The following ABCA13 variants were observed in gnomAD, a reference collection of about 807,000 sequenced individuals.
ABCA13 encodes the protein ATP binding cassette subfamily A member 13, also known as ATP-binding cassette sub-family A member 13.
ABCA13 carries 476 observed loss-of-function variants against 478.7 expected under a neutral mutation model. That is an observed-to-expected ratio of 0.99 (90% CI 0.92 to 1.07). The LOEUF (loss-of-function observed/expected upper bound fraction) is 1.07, where lower values mean the gene tolerates loss of function less well. ABCA13 is among the 50% of genes least tolerant of loss of function. The probability of loss-of-function intolerance (pLI) is 0.00; values close to 1 mark genes in which losing one functional copy is unlikely to be tolerated. For synonymous variants in ABCA13, 2,252 were observed against 2,158.9 expected (o/e 1.04, Z -1.20); for missense variants, 6,060 against 5,910.6 (o/e 1.03, Z -0.83).
intron 2 of ABCA13, among the ~76,000 whole-genome samples, chr7:48,197,052 G>A (rs1798024892): frequency 6.6e-6 from 1 of 152,214 alleles, no homozygotes; most frequent in African/African-American, 2.4e-5. Context: ...TGCCTTGAGA[G>A]ATTAAAGCTT....
intron 23 of ABCA13, among the ~76,000 whole-genome samples, chr7:48,299,329 C>T (rs772896476): frequency 7.9e-5 from 12 of 152,058 alleles, no homozygotes; most frequent in African/African-American, 1.5e-4. Context: ...GCAAGCTTGA[C>T]GGGTGGACTA....
In ABCA13 at chr7:48,272,800, A is replaced by G. The variant is rs1795795231; in HGVS notation, c.3134A>G (p.Gln1045Arg). The G allele has an allele frequency of 6.2e-7, 1 of 1,605,596 alleles. No homozygotes were observed. The highest frequency in any genetic ancestry group is 1.7e-5 in the Admixed American group (1 of 58,784). ...SIFNFLELQA[Q>R]SFMSTEGQEL... ...TTTAACTTTTTGGAGCTTCAGGCCC[A>G]ATCCTTCATGTCTACAGAGGGCCAA... Residue 1045 changes from glutamine to arginine, a missense_variant, in exon 17 of 62, where the codon CAA (glutamine) becomes CGA (arginine). Physicochemically the swap from Gln to Arg is conservative, Grantham distance 43. Coordinates refer to ENST00000435803, the MANE Select transcript of ABCA13 (RefSeq NM_152701.5).
intron 15 of ABCA13, among the ~76,000 whole-genome samples, chr7:48,262,901 T>C (rs1440341586): frequency 6.6e-6 from 1 of 152,022 alleles, no homozygotes; most frequent in African/African-American, 2.4e-5. Flanking sequence ...AATCTTTCCA[T>C]GTTGAACTTT....
At chr7:48,606,898 C>T (rs1791528089) in intron 58 of ABCA13, among the ~76,000 whole-genome samples, 1 of 152,196 alleles carries the variant, frequency 6.6e-6, no homozygotes, top group Admixed American at 6.5e-5. Flanking sequence ...GCCGTTTTTC[C>T]AGAGATGCCC....
chr7:48,391,859 AT>A, intron 37 of ABCA13, 61 bp from the exon 38 acceptor site: 1 of 1,488,232 alleles, frequency 6.7e-7, no homozygotes, highest in Non-Finnish European at 9.2e-7. Context: ...AGCTGACTGG[AT>A]TGCTGACGTT....
At chr7:48,447,466 T>A (rs1467566583) in intron 42 of ABCA13, among the ~76,000 whole-genome samples, 1 of 152,158 alleles carries the variant, frequency 6.6e-6, no homozygotes, top group Non-Finnish European at 1.5e-5. Context: ...AAATCATGAC[T>A]TTACTTTGTT....
intron 55 of ABCA13, among the ~76,000 whole-genome samples, chr7:48,576,202 A>G (rs538689297): frequency 6.7e-6 from 1 of 149,476 alleles, no homozygotes; most frequent in African/African-American, 2.4e-5. Context: ...CCCACCCCCC[A>G]TGGATATAGA....
chr7:48,229,380 C>A (rs926830753), intron 6 of ABCA13, among the ~76,000 whole-genome samples: 1 of 152,208 alleles, frequency 6.6e-6, no homozygotes, highest in Non-Finnish European at 1.5e-5. Flanking sequence ...GATTGAGGTA[C>A]ATGGTATTGC....
intron 1 of ABCA13, among the ~76,000 whole-genome samples, chr7:48,177,286 G>A (rs1263174547): frequency 6.6e-6 from 1 of 152,206 alleles, no homozygotes; most frequent in African/African-American, 2.4e-5. Context: ...GAAGGTAAAA[G>A]GTGAGGTGCC....
intron 3 of ABCA13, among the ~76,000 whole-genome samples, chr7:48,201,183 A>G (rs937300105): frequency 6.6e-6 from 1 of 152,246 alleles, no homozygotes; most frequent in Admixed American, 6.5e-5. Context: ...AATAAGAAGT[A>G]TAGCAATGGC....
intron 7 of ABCA13, among the ~76,000 whole-genome samples, chr7:48,231,916 C>T (rs941417946): frequency 6.6e-6 from 1 of 152,108 alleles, no homozygotes; most frequent in Admixed American, 6.5e-5. Flanking sequence ...CCCTCCTCGG[C>T]CTCCCAAAGT....
intron 5 of ABCA13, among the ~76,000 whole-genome samples, chr7:48,223,121 T>C (rs1043248076): frequency 6.6e-6 from 1 of 151,986 alleles, no homozygotes. Context: ...TTGACCTCAG[T>C]AATTGGAAAA....
chr7:48,358,928 C>T (rs1338451665), intron 31 of ABCA13, among the ~76,000 whole-genome samples: 1 of 151,872 alleles, frequency 6.6e-6, no homozygotes, highest in African/African-American at 2.4e-5. Flanking sequence ...TAAGTTTATC[C>T]GATCTCTTTC....
chr7:48,207,832 T>C (rs1353508976), intron 3 of ABCA13, among the ~76,000 whole-genome samples: 5 of 152,164 alleles, frequency 3.3e-5, no homozygotes, highest in Non-Finnish European at 7.4e-5. Flanking sequence ...CCATTTTTAC[T>C]TTTGTTGTCT....
chr7:48,263,422 G>T (rs1296565006), intron 15 of ABCA13, among the ~76,000 whole-genome samples: 1 of 151,880 alleles, frequency 6.6e-6, no homozygotes, highest in Admixed American at 6.6e-5. Flanking sequence ...GATAAAGCAT[G>T]AACTGTTTGG....
rs150110342 is a variant in ABCA13 at position 48,360,109 on chromosome 7, T to C, written c.10688+7622T>C. On this transcript the variant is annotated intron_variant, in intron 31 of 61. Transcript: ENST00000435803. ...ACAACGTGCAGGTTTGTTACATATG[T>C]ATACATGTGCCATGTTGGTGTGCTG... 2.7e-4 allele frequency among the ~76,000 whole-genome samples: 41 copies of C among 152,104 alleles called. 1 individual carries two copies. The East Asian group carries it at 7.9e-3, about 29-fold the overall frequency.
chr7:48,647,244 C>T lies in ABCA13; in HGVS notation c.*1732C>T, dbSNP rs1023954856. ...TTCTATACAAAAGATATTTTTTAAACGGTAAGGATTAAGACAATCACTGAT... is the reference window on the plus strand; with the variant it reads ...TTCTATACAAAAGATATTTTTTAAATGGTAAGGATTAAGACAATCACTGAT... On this transcript the variant is annotated 3_prime_UTR_variant, in exon 62 of 62. Coordinates refer to ENST00000435803, the MANE Select transcript of ABCA13 (RefSeq NM_152701.5). The T allele has an allele frequency of 3.9e-5, 6 of 152,110 alleles. No individual in the cohort carries two copies. The South Asian group carries it at 6.2e-4, about 16-fold the overall frequency. The allele number at this position is 152,110 out of a possible 1,614,324, so 9.4% of individuals were successfully genotyped here.
intron 3 of ABCA13, among the ~76,000 whole-genome samples, chr7:48,200,019 T>C (rs996239974): frequency 1.3e-5 from 2 of 152,174 alleles, no homozygotes; most frequent in Non-Finnish European, 2.9e-5. Context: ...ATTCAACCAA[T>C]GGGAATTGAT....
intron 15 of ABCA13, among the ~76,000 whole-genome samples, chr7:48,254,659 G>A (rs979051153): frequency 1.3e-5 from 2 of 152,184 alleles, no homozygotes; most frequent in African/African-American, 4.8e-5. Context: ...CAGTGAGAGT[G>A]GAGGCATATC....
Sources: gnomAD v4.1 joint callset for allele counts (sites outside exome capture counted in the v4.1 genomes callset) on GRCh38, gnomAD v4.1.1 for gene constraint, MANE v1.5 for transcripts, NCBI Gene and HGNC (gene_info 2026-07-23, HGNC 2026-07-21) for gene names.